SPMIP11: variants seen among roughly 807,000 people sequenced by gnomAD.
SPMIP11 encodes sperm microtubule inner protein 11.
chr12:48,739,387 A>C, the SPMIP11 span, among the ~76,000 whole-genome samples: 3 of 152,146 alleles, frequency 2.0e-5, no homozygotes, highest in Non-Finnish European at 4.4e-5. Flanking sequence ...AGGACAGAAG[A>C]AGGTATTGAG....
the SPMIP11 span, chr12:48,765,040 C>A: frequency 1.2e-5 from 8 of 677,832 alleles, no homozygotes; most frequent in Non-Finnish European, 2.2e-5. Context: ...GGGAAGTACT[C>A]CTTCCCTTCA....
At chr12:48,746,221 GC>G in the SPMIP11 span, among the ~76,000 whole-genome samples, 1 of 152,072 alleles carries the variant, frequency 6.6e-6, no homozygotes, top group Admixed American at 6.6e-5. Context: ...CTTGCAGAGT[GC>G]TTTTTTAAAA....
At chr12:48,738,154 A>G in the SPMIP11 span, among the ~76,000 whole-genome samples, 1 of 152,036 alleles carries the variant, frequency 6.6e-6, no homozygotes, top group African/African-American at 2.4e-5. Context: ...CATCATTATT[A>G]TTATTTATTC....
chr12:48,741,508 A>T, the SPMIP11 span, among the ~76,000 whole-genome samples: 1 of 152,158 alleles, frequency 6.6e-6, no homozygotes, highest in Non-Finnish European at 1.5e-5. Context: ...GAGGCTCATG[A>T]TGTCATTTGG....
At chr12:48,768,301 T>C in the SPMIP11 span, 1 of 488,832 alleles carries the variant, frequency 2.0e-6, no homozygotes, top group Non-Finnish European at 3.7e-6. Context: ...CTCCCTCTGC[T>C]TCTGCTACTG....
the SPMIP11 span, chr12:48,768,489 G>A: frequency 2.5e-5 from 39 of 1,541,744 alleles, no homozygotes; most frequent in East Asian, 8.1e-4. Flanking sequence ...GGTTAGCAGG[G>A]TCTGGAGGCT....
chr12:48,768,430 G>GGCAGAC, the SPMIP11 span: 5 of 1,020,370 alleles, frequency 4.9e-6, no homozygotes, highest in East Asian at 2.6e-5. Context: ...CCAGCTTGAG[G>GGCAGAC]GCAGACGAGC....
At chr12:48,765,898 T>C in the SPMIP11 span, 2 of 494,474 alleles carry the variant, frequency 4.0e-6, no homozygotes, top group Non-Finnish European at 7.3e-6. Context: ...AGCCAGACCT[T>C]GGAGTGAGAG....
the SPMIP11 span, among the ~76,000 whole-genome samples, chr12:48,737,315 T>C: frequency 1.3e-5 from 2 of 152,068 alleles, no homozygotes; most frequent in Admixed American, 6.6e-5. Context: ...ATGGAATTTA[T>C]TGTAAGTCTT....
the SPMIP11 span, chr12:48,768,718 T>TGGGGGAGTGGG: frequency 6.2e-7 from 1 of 1,613,626 alleles, no homozygotes; most frequent in Non-Finnish European, 8.5e-7. Context: ...CGTGGTCACC[T>TGGGGGAGTGGG]GGGGGAGTGG....
chr12:48,749,312 C>T, the SPMIP11 span, among the ~76,000 whole-genome samples: 1 of 150,184 alleles, frequency 6.7e-6, no homozygotes, highest in Admixed American at 6.7e-5. Flanking sequence ...TTTCCTATTT[C>T]TCTGTTCCCC....
At chr12:48,757,456 G>A in the SPMIP11 span, among the ~76,000 whole-genome samples, 24 of 151,492 alleles carry the variant, frequency 1.6e-4, no homozygotes, top group Non-Finnish European at 2.9e-4. Flanking sequence ...GACCAGCCTG[G>A]CCAATATGGT....
At chr12:48,751,319 G>C in the SPMIP11 span, among the ~76,000 whole-genome samples, 1 of 152,184 alleles carries the variant, frequency 6.6e-6, no homozygotes, top group Non-Finnish European at 1.5e-5. Context: ...CTTGACTTCA[G>C]AAACTCAGTT....
chr12:48,764,624 T>A, the SPMIP11 span, among the ~76,000 whole-genome samples: 57 of 152,270 alleles, frequency 3.7e-4, no homozygotes, highest in African/African-American at 1.2e-3. Flanking sequence ...GAGATGGGCT[T>A]ACTAGCAGCA....
At chr12:48,762,609 C>T in the SPMIP11 span, among the ~76,000 whole-genome samples, 3 of 151,940 alleles carry the variant, frequency 2.0e-5, no homozygotes, top group African/African-American at 7.2e-5. Context: ...CTCAGGTGAT[C>T]CACCTGCCTC....
At chr12:48,752,066 C>CAAAAAAAAA in the SPMIP11 span, among the ~76,000 whole-genome samples, 2 of 101,816 alleles carry the variant, frequency 2.0e-5, no homozygotes, top group Non-Finnish European at 3.7e-5. Context: ...GACTCTGCCT[C>CAAAAAAAAA]AAAAAAAAAA....
chr12:48,736,610 T>C, the SPMIP11 span, among the ~76,000 whole-genome samples: 1 of 152,134 alleles, frequency 6.6e-6, no homozygotes, highest in Non-Finnish European at 1.5e-5. Flanking sequence ...GTCTAGACTG[T>C]TCATTCTCAA....
the SPMIP11 span, among the ~76,000 whole-genome samples, chr12:48,744,993 G>A: frequency 0.26 from 39,135 of 151,898 alleles, 5,604 homozygotes; most frequent in Middle Eastern, 0.33. Context: ...TAAAGAGGCC[G>A]GGCGTGGTGG....
the SPMIP11 span, chr12:48,771,019 A>G: frequency 1.3e-6 from 2 of 1,580,774 alleles, no homozygotes; most frequent in Non-Finnish European, 1.7e-6. This position sits in a 1 kb window ranked among gnomAD's most constrained non-coding sequence, Gnocchi z 4.3. Context: ...CCCCAGACCC[A>G]GCCCTGCCCC....
Sources: allele counts gnomAD v4.1 joint callset (sites outside exome capture counted in the v4.1 genomes callset), GRCh38; gene constraint gnomAD v4.1.1; non-coding constraint Gnocchi (gnomAD v3.1); transcripts MANE v1.5; gene names NCBI Gene and HGNC (gene_info 2026-07-23, HGNC 2026-07-21).